Variants in SH2D3C observed in about 807,000 individuals in gnomAD.
SH2D3C encodes the protein SH2 domain containing 3C.
Under a neutral mutation model 75.2 loss-of-function variants are expected in SH2D3C, and 25 were observed. The observed-to-expected ratio is 0.33, with a 90% CI of 0.24 to 0.46. The LOEUF is 0.46. Among genes scored for constraint, SH2D3C ranks in the 20% least tolerant of loss-of-function variants. The probability of loss-of-function intolerance (pLI) is 1.00; values close to 1 mark genes in which losing one functional copy is unlikely to be tolerated. For missense variants in SH2D3C, 933 were observed against 1,165.3 expected (o/e 0.80, Z 2.90); for synonymous variants, 450 against 473.7 (o/e 0.95, Z 0.65).
chr9:127,776,680 G>A lies in SH2D3C; in HGVS notation c.37+1911C>T, dbSNP rs918373688. ...TCGCACCCGTGCTGGGATGCAGGTA[G>A]GATGCCCCCAGTTGACAAGGGAGGA... On this transcript the variant is annotated intron_variant, in intron 1 of 11. Coordinates refer to ENST00000314830, the MANE Select transcript of SH2D3C (RefSeq NM_170600.3). Among the ~76,000 whole-genome samples the A allele has an allele frequency of 2.0e-5, 3 of 152,254 alleles. 1 individual carries two copies. Among genetic ancestry groups the A allele is most frequent in the African/African-American group, 7.2e-5 (3 of 41,464 alleles).
chr9:127,774,353 T>A lies in SH2D3C; in HGVS notation c.152A>T (p.Glu51Val), dbSNP rs771568554. The A allele has an allele frequency of 1.9e-6, 3 of 1,613,850 alleles. No homozygotes were observed. The highest frequency in any genetic ancestry group is 1.1e-5 in the South Asian group (1 of 91,076). Residue 51 changes from glutamate (E) to valine (V), a missense_variant, in exon 2 of 12, where the codon GAA becomes GTA. Coordinates refer to ENST00000314830, the MANE Select transcript of SH2D3C (RefSeq NM_170600.3). This position sits in a 1 kb window ranked among gnomAD's most constrained non-coding sequence, Gnocchi z 4.3. Reference protein sequence around the residue: ...RQSHLEPDTFEATQDDMVTVP... With the variant: ...RQSHLEPDTFVATQDDMVTVP... ...CGTCACCATGTCATCCTGCGTGGCT[T>A]CAAAGGTGTCAGGCTCCAAATGGGA...
At chr9:127,747,859 G>A (rs373223791) in intron 5 of SH2D3C, among the ~76,000 whole-genome samples, 1 of 151,964 alleles carries the variant, frequency 6.6e-6, no homozygotes, top group Non-Finnish European at 1.5e-5. Flanking sequence ...GTTCCTAGTC[G>A]GTATCTTCCA....
At chr9:127,747,503 T>C (rs930875563) in intron 5 of SH2D3C, among the ~76,000 whole-genome samples, 1 of 151,912 alleles carries the variant, frequency 6.6e-6, no homozygotes, top group African/African-American at 2.4e-5. Flanking sequence ...GCCTGGTTTC[T>C]TTTTTTCTTT....
chr9:127,751,313 C>T lies in SH2D3C; in HGVS notation c.556-13G>A. The T allele has an allele frequency of 6.2e-7, 1 of 1,612,994 alleles. No individual in the cohort carries two copies. The highest frequency in any genetic ancestry group is 8.5e-7 in the Non-Finnish European group (1 of 1,179,354). ...TCTCCTTGGAGAACTGGGTAGAAAA[C>T]AGCAAGAGTTGGCATCCAACTTAAA... On this transcript the variant is annotated splice_polypyrimidine_tract_variant and intron_variant, in intron 3 of 11. Coordinates refer to ENST00000314830, the MANE Select transcript of SH2D3C (RefSeq NM_170600.3). The surrounding 1 kb of genome is among the most constrained non-coding windows in gnomAD (Gnocchi z 4.1).
rs1489559295 is a variant in SH2D3C, at chr9:127,749,569, G to T, written c.781C>A (p.Gln261Lys). 5.0e-6 allele frequency: 8 copies of T among 1,611,668 alleles called. No individual in the cohort carries two copies. In the South Asian group the frequency reaches 8.8e-5, roughly 18 times the overall value. Reference sequence around the variant, plus strand: ...TTGTTGATCTTGAAGTGCAAGGCCTGGTTGCGCCAGCGGCACGTGAGCACA... The same window carrying T: ...TTGTTGATCTTGAAGTGCAAGGCCTTGTTGCGCCAGCGGCACGTGAGCACA... ...DYVLTCRWRN[Q>K]ALHFKINKVV... The change falls in exon 5 of 12, where the codon CAG (glutamine) becomes AAG (lysine). Residue 261 changes from glutamine (Q) to lysine (K), a missense_variant. Physicochemically the swap from Gln to Lys is moderately conservative, Grantham distance 53. Coordinates refer to ENST00000314830, the MANE Select transcript of SH2D3C (RefSeq NM_170600.3). The surrounding 1 kb of genome is among the most constrained non-coding windows in gnomAD (Gnocchi z 5.9).
chr9:127,740,623 G>A (rs1423189920), intron 9 of SH2D3C, among the ~76,000 whole-genome samples: 2 of 152,348 alleles, frequency 1.3e-5, no homozygotes, highest in Middle Eastern at 3.4e-3. Flanking sequence ...GGCAGAGCTG[G>A]GTGGGAGTTG....
chr9:127,766,808 G>GTTC (rs1001233013), intron 2 of SH2D3C: 1 of 855,024 alleles, frequency 1.2e-6, no homozygotes, highest in Admixed American at 2.8e-5. Context: ...GGCATCAGGT[G>GTTC]ATCCACCTGC....
chr9:127,745,092 A>T lies in SH2D3C; in HGVS notation c.1272T>A (p.Arg424=). The T allele has an allele frequency of 2.0e-6, 3 of 1,502,204 alleles. No individual in the cohort carries two copies. The highest frequency in any genetic ancestry group is 2.7e-6 in the Non-Finnish European group (3 of 1,128,150). 93.1% of individuals were successfully genotyped at this position (1,502,204 alleles called of 1,614,324 possible). ...PSSPAYSTVT[R]VHAAPAAPSA... ...AAGGGGCTGCAGGGGCGGCATGGAC[A>T]CGGGTTACTGCAGAAAGGTAGAGAG... The change falls in exon 7 of 12, where the codon CGT becomes CGA. Residue 424 remains arginine, a synonymous_variant. Transcript: ENST00000314830.
intron 3 of SH2D3C, among the ~76,000 whole-genome samples, chr9:127,759,665 A>G (rs1845478577): frequency 6.6e-6 from 1 of 152,158 alleles, no homozygotes; most frequent in Non-Finnish European, 1.5e-5. Flanking sequence ...CCTGGGCAAC[A>G]CAGTGAGACC....
At chr9:127,747,326 T>C in intron 5 of SH2D3C, 55 bp from the exon 6 acceptor site, 1 of 1,558,582 alleles carries the variant, frequency 6.4e-7, no homozygotes, top group Non-Finnish European at 8.7e-7. Flanking sequence ...GGCCTCAGCC[T>C]GCCTCTGGGA....
At position 127,751,220 on chromosome 9, in the gene SH2D3C, G is replaced by A. The variant is rs751647039; in HGVS notation, c.636C>T (p.Ser212=). 6.8e-6 allele frequency: 11 copies of A among 1,614,112 alleles called. No homozygotes were observed. The highest frequency in any genetic ancestry group is 9.3e-6 in the Non-Finnish European group (11 of 1,179,948). The part of the protein sequence containing the change: ...KELEEELKLS[S]TDLRSHAWYH... Reference sequence around the variant, plus strand: ...ACCAGGCATGGCTGCGGAGATCCGTGCTGCTGAGTTTGAGCTCCTCCTCCA... The same window carrying A: ...ACCAGGCATGGCTGCGGAGATCCGTACTGCTGAGTTTGAGCTCCTCCTCCA... Residue 212 remains serine, a synonymous_variant, in exon 4 of 12, where the codon AGC becomes AGT. Transcript: ENST00000314830. The surrounding 1 kb of genome is among the most constrained non-coding windows in gnomAD (Gnocchi z 4.1).
At chr9:127,750,927 G>C (rs1845184269) in intron 4 of SH2D3C, among the ~76,000 whole-genome samples, 1 of 152,228 alleles carries the variant, frequency 6.6e-6, no homozygotes, top group Non-Finnish European at 1.5e-5. Context: ...CATTTTACCT[G>C]CATTATTTCG....
At chr9:127,770,465 C>G (rs1036533754) in intron 2 of SH2D3C, among the ~76,000 whole-genome samples, 8 of 152,154 alleles carry the variant, frequency 5.3e-5, no homozygotes, top group African/African-American at 1.7e-4. Flanking sequence ...AGACTAAGGA[C>G]CAGAATGGGG....
At chr9:127,755,488 A>G (rs1845355600) in intron 3 of SH2D3C, among the ~76,000 whole-genome samples, 1 of 152,190 alleles carries the variant, frequency 6.6e-6, no homozygotes. Flanking sequence ...TACCGGGGGC[A>G]GCGGGATCGG....
chr9:127,739,654 G>GC lies in SH2D3C; in HGVS notation c.2407+27dup. On this transcript the variant is annotated intron_variant, in intron 11 of 11. Coordinates refer to ENST00000314830, the MANE Select transcript of SH2D3C (RefSeq NM_170600.3). The surrounding 1 kb of genome is among the most constrained non-coding windows in gnomAD (Gnocchi z 4.3). ...GGTGGAGGGAGGCCCAGGCCTGCAA[G>GC]CCCCCCAAGATGCCACCCGCCACTC... 3 of 1,579,486 alleles carry GC rather than the reference G, an allele frequency of 1.9e-6. No individual in the cohort carries two copies. Among genetic ancestry groups the GC allele is most frequent in the South Asian group, 1.1e-5 (1 of 87,790 alleles).
chr9:127,762,561 TC>T (rs1201624460), intron 2 of SH2D3C: 4 of 386,434 alleles, frequency 1.0e-5, no homozygotes, highest in Non-Finnish European at 2.1e-5. Context: ...TGCCCCGTCT[TC>T]CATTCAGCTC....
rs1314059760 is a variant in SH2D3C, at chr9:127,744,850, C to T, written c.1514G>A (p.Ser505Asn). The change falls in exon 7 of 12, where the codon AGC (serine) becomes AAC (asparagine). Residue 505 changes from serine to asparagine, a missense_variant. Transcript: ENST00000314830. Reference protein sequence around the residue: ...YCQLQPPVRGSREWAATETSS... With the variant: ...YCQLQPPVRGNREWAATETSS... ...GGTCTCAGTCGCTGCCCACTCTCGG[C>T]TGCCACGCACGGGAGGCTGGAGCTG... 1 of 1,614,146 alleles carries T rather than the reference C, an allele frequency of 6.2e-7. No homozygotes were observed. The highest frequency in any genetic ancestry group is 1.1e-5 in the South Asian group (1 of 91,080).
intron 4 of SH2D3C, among the ~76,000 whole-genome samples, chr9:127,750,606 C>T (rs1422141439): frequency 6.6e-6 from 1 of 152,362 alleles, no homozygotes; most frequent in East Asian, 1.9e-4. Context: ...CCACCCTGGG[C>T]CATTAGCCAT....
In SH2D3C at chr9:127,751,630, C is replaced by CA. The variant is rs558442676; in HGVS notation, c.556-331dup. 5.3e-5 allele frequency among the ~76,000 whole-genome samples: 8 copies of CA among 152,364 alleles called. No individual in the cohort carries two copies. In the South Asian group the frequency reaches 1.7e-3, roughly 32 times the overall value. ...TCTGAGTAGAGTGCGGTCAGCACCA[C>CA]AGCGCTGGACAGCGGCAAAGAGCCG... On this transcript the variant is annotated intron_variant, in intron 3 of 11. Coordinates refer to ENST00000314830, the MANE Select transcript of SH2D3C (RefSeq NM_170600.3). This position sits in a 1 kb window ranked among gnomAD's most constrained non-coding sequence, Gnocchi z 4.1.
Sources: gnomAD v4.1 joint callset for allele counts (sites outside exome capture counted in the v4.1 genomes callset) on GRCh38, gnomAD v4.1.1 for gene constraint, Gnocchi (gnomAD v3.1) non-coding constraint, MANE v1.5 for transcripts, NCBI Gene and HGNC (gene_info 2026-07-23, HGNC 2026-07-21) for gene names.